POU2AF2: variants seen among roughly 807,000 people sequenced by gnomAD.
POU2AF2 encodes POU class 2 homeobox associating factor 2, also known as POU domain class 2-associating factor 2.
the POU2AF2 span, among the ~76,000 whole-genome samples, chr11:111,247,878 C>CTT: frequency 0.015 from 1,693 of 114,962 alleles, 102 homozygotes; most frequent in African/African-American, 0.04. Flanking sequence ...TATAAGTGGC[C>CTT]TTTTTTTTTT....
the POU2AF2 span, chr11:111,286,011 G>C: frequency 8.1e-6 from 13 of 1,613,770 alleles, no homozygotes; most frequent in Admixed American, 8.3e-5. Context: ...AAAGAAGATG[G>C]GAGTATTGCC....
the POU2AF2 span, among the ~76,000 whole-genome samples, chr11:111,276,450 AAAAATATATATATAT>A: frequency 0.034 from 1,499 of 43,608 alleles, 77 homozygotes; most frequent in African/African-American, 0.083. Flanking sequence ...AAAAAAAAAA[AAAAATATATATATAT>A]ATATATATAT....
At chr11:111,246,462 C>T in the POU2AF2 span, among the ~76,000 whole-genome samples, 1 of 152,228 alleles carries the variant, frequency 6.6e-6, no homozygotes, top group South Asian at 2.1e-4. Context: ...CCCACCTGTT[C>T]GCGAACAAAT....
At chr11:111,249,244 C>T in the POU2AF2 span, among the ~76,000 whole-genome samples, 1 of 151,886 alleles carries the variant, frequency 6.6e-6, no homozygotes, top group Non-Finnish European at 1.5e-5. Flanking sequence ...AGACACAATG[C>T]ACAGGGGAAA....
At chr11:111,284,248 C>T in the POU2AF2 span, 19 of 1,614,098 alleles carry the variant, frequency 1.2e-5, no homozygotes, top group South Asian at 1.3e-4. Flanking sequence ...AGCCCTACTT[C>T]CCCCAGGAGC....
At chr11:111,260,625 C>A in the POU2AF2 span, among the ~76,000 whole-genome samples, 4 of 152,164 alleles carry the variant, frequency 2.6e-5, no homozygotes, top group African/African-American at 9.7e-5. Flanking sequence ...CAAGGAATAT[C>A]TACCAGTAGC....
At chr11:111,251,241 A>G in the POU2AF2 span, among the ~76,000 whole-genome samples, 3 of 152,204 alleles carry the variant, frequency 2.0e-5, no homozygotes, top group Non-Finnish European at 2.9e-5. Context: ...AGGTAGCACC[A>G]TCAGGAATTG....
chr11:111,261,370 T>G, the POU2AF2 span, among the ~76,000 whole-genome samples: 1 of 152,288 alleles, frequency 6.6e-6, no homozygotes, highest in Non-Finnish European at 1.5e-5. Flanking sequence ...CATCGAATTA[T>G]TTTCAAATAA....
chr11:111,267,637 C>T, the POU2AF2 span, among the ~76,000 whole-genome samples: 5 of 152,164 alleles, frequency 3.3e-5, no homozygotes, highest in African/African-American at 1.2e-4. Context: ...AGCCCCCTTT[C>T]GAGGGCTGGA....
chr11:111,248,163 C>T, the POU2AF2 span, among the ~76,000 whole-genome samples: 1 of 152,144 alleles, frequency 6.6e-6, no homozygotes, highest in Middle Eastern at 3.4e-3. Context: ...TGGAGGTTTT[C>T]CACAATATAA....
the POU2AF2 span, among the ~76,000 whole-genome samples, chr11:111,257,062 A>G: frequency 6.6e-6 from 1 of 152,234 alleles, no homozygotes; most frequent in Non-Finnish European, 1.5e-5. Flanking sequence ...GGTTACCAAG[A>G]TCAGCATATA....
chr11:111,275,963 G>A, the POU2AF2 span, among the ~76,000 whole-genome samples: 2 of 152,038 alleles, frequency 1.3e-5, no homozygotes, highest in Non-Finnish European at 2.9e-5. Context: ...CCAAAATATA[G>A]AAGAAAGAAT....
At chr11:111,276,998 C>G in the POU2AF2 span, among the ~76,000 whole-genome samples, 1 of 152,098 alleles carries the variant, frequency 6.6e-6, no homozygotes, top group Non-Finnish European at 1.5e-5. Context: ...ATTAGTAAAT[C>G]TAATACAGAA....
chr11:111,284,240 C>A, the POU2AF2 span: 4 of 1,614,202 alleles, frequency 2.5e-6, no homozygotes, highest in Non-Finnish European at 1.7e-6. Context: ...TCTCCTGGAG[C>A]CCTACTTCCC....
the POU2AF2 span, among the ~76,000 whole-genome samples, chr11:111,264,556 GAAAGAAAGAAAGAAAGAA>G: frequency 3.2e-5 from 2 of 63,324 alleles, no homozygotes; most frequent in African/African-American, 5.7e-5. Context: ...AAGAAAGAAA[GAAAGAAAGAAAGAAAGAA>G]AGGGAGAGAG....
chr11:111,268,822 A>G, the POU2AF2 span, among the ~76,000 whole-genome samples: 1 of 152,012 alleles, frequency 6.6e-6, no homozygotes, highest in Non-Finnish European at 1.5e-5. Context: ...TGCCGGGATT[A>G]CAGACATGAG....
the POU2AF2 span, among the ~76,000 whole-genome samples, chr11:111,251,220 A>G: frequency 6.6e-6 from 1 of 152,146 alleles, no homozygotes; most frequent in Non-Finnish European, 1.5e-5. Context: ...CAGACTCTGG[A>G]TGTATTTTGT....
the POU2AF2 span, among the ~76,000 whole-genome samples, chr11:111,268,350 A>G: frequency 0.25 from 37,414 of 151,832 alleles, 5,157 homozygotes; most frequent in South Asian, 0.46. Flanking sequence ...CACCTCTTCA[A>G]CTCATAACCT....
chr11:111,280,040 C>CAAAAAAAAAA, the POU2AF2 span, among the ~76,000 whole-genome samples: 2 of 72,614 alleles, frequency 2.8e-5, no homozygotes, highest in African/African-American at 9.5e-5. Context: ...GACTCCATCT[C>CAAAAAAAAAA]AAAAAAAAAA....
Sources: allele counts gnomAD v4.1 joint callset (sites outside exome capture counted in the v4.1 genomes callset), GRCh38; gene constraint gnomAD v4.1.1; transcripts MANE v1.5; gene names NCBI Gene and HGNC (gene_info 2026-07-23, HGNC 2026-07-21).